SNX9: variants seen among roughly 807,000 people sequenced by gnomAD.
SNX9 encodes the protein sorting nexin-9.
A neutral mutation model predicts 89.4 loss-of-function variants in SNX9; 44 were observed. The ratio of observed to expected loss-of-function variants is 0.49; its 90% CI spans 0.39 to 0.63. SNX9 has a LOEUF of 0.63. SNX9 is among the 30% of genes least tolerant of loss of function. SNX9 has a pLI of 0.00. For missense variants in SNX9, 578 were observed against 736.1 expected (o/e 0.79, Z 2.49); for synonymous variants, 236 against 247.8 (o/e 0.95, Z 0.45).
chr6:157,830,645 A>G (rs1781462645), intron 1 of SNX9: 1 of 152,214 alleles, frequency 6.6e-6, no homozygotes, highest in African/African-American at 2.4e-5. Flanking sequence ...TCCATATGGT[A>G]ACTGCCTGCC....
intron 13 of SNX9, among the ~76,000 whole-genome samples, chr6:157,933,873 T>C (rs910967616): frequency 6.6e-6 from 1 of 152,252 alleles, no homozygotes; most frequent in Non-Finnish European, 1.5e-5. Flanking sequence ...CATAATTAAA[T>C]GTTCCATATT....
chr6:157,896,669 G>T (rs1416902396), intron 4 of SNX9, among the ~76,000 whole-genome samples, 158 bp from the exon 5 acceptor site: 1 of 152,152 alleles, frequency 6.6e-6, no homozygotes, highest in African/African-American at 2.4e-5. Context: ...CTACATGTTT[G>T]GAAATTAAAA....
In SNX9 at chr6:157,942,701, G is replaced by A. The variant is rs562780311; in HGVS notation, c.1741-90G>A. The A allele has an allele frequency of 4.4e-6, 6 of 1,366,540 alleles. No individual in the cohort carries two copies. The African/African-American group carries it at 8.6e-5, about 20-fold the overall frequency. 84.7% of individuals were successfully genotyped at this position (1,366,540 alleles called of 1,614,324 possible). On this transcript the variant is annotated intron_variant, in intron 17 of 17. Coordinates refer to ENST00000392185, the MANE Select transcript of SNX9 (RefSeq NM_016224.5). ...GTTAAAGAATTGGAATTTGTGTCAT[G>A]TTTAACTTGTTGGAGTTGTGAATAA...
Position 157,859,309 on chromosome 6 carries a change from T to A in SNX9, c.13-8238T>A, listed in dbSNP as rs118062421. Among the ~76,000 whole-genome samples, 694 of 152,378 alleles carry A rather than the reference T, an allele frequency of 4.6e-3. 1 individual carries two copies. The highest frequency in any genetic ancestry group is 7.7e-3 in the South Asian group (37 of 4,832). On this transcript the variant is annotated intron_variant, in intron 1 of 17. Coordinates refer to ENST00000392185, the MANE Select transcript of SNX9 (RefSeq NM_016224.5). Reference sequence around the variant, plus strand: ...ATTTAATGTTTCTTTATGGAAATACTGGCAAATATAAATATTCTGCTCATG... The same window carrying A: ...ATTTAATGTTTCTTTATGGAAATACAGGCAAATATAAATATTCTGCTCATG...
At chr6:157,863,791 G>A (rs1782195454) in intron 1 of SNX9, among the ~76,000 whole-genome samples, 1 of 152,168 alleles carries the variant, frequency 6.6e-6, no homozygotes, top group Non-Finnish European at 1.5e-5. Flanking sequence ...GAGGGGTGCT[G>A]GGAGATGACG....
chr6:157,850,312 TA>T (rs1310788259), intron 1 of SNX9, among the ~76,000 whole-genome samples: 2 of 152,166 alleles, frequency 1.3e-5, no homozygotes, highest in African/African-American at 2.4e-5. Context: ...GCAGATGAAG[TA>T]GACCCGGGGC....
chr6:157,856,905 T>C (rs1483662298), intron 1 of SNX9, among the ~76,000 whole-genome samples: 1 of 152,246 alleles, frequency 6.6e-6, no homozygotes, highest in East Asian at 1.9e-4. Flanking sequence ...TATGCTTAGA[T>C]GAATTAAATC....
chr6:157,913,146 C>G (rs1219902411), intron 9 of SNX9, among the ~76,000 whole-genome samples: 1 of 152,154 alleles, frequency 6.6e-6, no homozygotes, highest in Non-Finnish European at 1.5e-5. Flanking sequence ...TTCCAAGGCA[C>G]AAGGCTTTGT....
Position 157,935,977 on chromosome 6 carries a change from C to T in SNX9, c.1380C>T (p.Leu460=), listed in dbSNP as rs774754565. The part of the protein sequence containing the change: ...SSSGYQGETD[L]NDAITEAGKT... ...GATCATTTTCAGGTGAAACAGATCT[C>T]AATGATGCAATAACAGAAGCAGGAA... is the stretch of plus-strand genomic sequence containing the variant. Residue 460 remains leucine (L), a synonymous_variant, in exon 14 of 18, where the codon CTC becomes CTT. Coordinates refer to ENST00000392185, the MANE Select transcript of SNX9 (RefSeq NM_016224.5). The T allele has an allele frequency of 6.2e-7, 1 of 1,611,798 alleles. No homozygotes were observed. The highest frequency in any genetic ancestry group is 2.2e-5 in the East Asian group (1 of 44,764).
intron 4 of SNX9, among the ~76,000 whole-genome samples, chr6:157,877,202 T>C (rs1198143602): frequency 2.6e-5 from 4 of 152,146 alleles, no homozygotes; most frequent in Non-Finnish European, 4.4e-5. Context: ...GGTATTTACT[T>C]GTAGTTTAAT....
chr6:157,905,153 G>A (rs1783184513), intron 6 of SNX9, among the ~76,000 whole-genome samples: 1 of 152,106 alleles, frequency 6.6e-6, no homozygotes, highest in Non-Finnish European at 1.5e-5. Flanking sequence ...GGACACATCT[G>A]GTCTCTTGTG....
intron 1 of SNX9, among the ~76,000 whole-genome samples, chr6:157,837,586 A>T (rs564064500): frequency 6.6e-6 from 1 of 152,182 alleles, no homozygotes; most frequent in African/African-American, 2.4e-5. Context: ...CTGTTTGCCC[A>T]CTTAGAAGCT....
intron 6 of SNX9, among the ~76,000 whole-genome samples, chr6:157,904,658 C>A (rs973482976): frequency 1.3e-5 from 2 of 151,872 alleles, no homozygotes; most frequent in Non-Finnish European, 2.9e-5. Context: ...TACAGTGAGC[C>A]GAGATCGCGC....
In SNX9 at chr6:157,886,193, G is replaced by A. The variant is rs555388075; in HGVS notation, c.301-10634G>A. Among the ~76,000 whole-genome samples, 181 of 152,104 alleles carry A rather than the reference G, an allele frequency of 1.2e-3. 1 individual carries two copies. Among genetic ancestry groups the A allele is most frequent in the African/African-American group, 4.2e-3 (174 of 41,476 alleles). ...GTCTAACCATGTCATCCAAACAAGC[G>A]CTTGCCCTGCTTACTGCATTTTTTT... is the stretch of plus-strand genomic sequence containing the variant. On this transcript the variant is annotated intron_variant, in intron 4 of 17. Transcript: ENST00000392185.
rs1454602092 is a variant in SNX9, at chr6:157,826,914, A to AC, written c.12+3468_12+3469insC. 1.8e-3 allele frequency among the ~76,000 whole-genome samples: 123 copies of AC among 69,968 alleles called. 1 individual carries two copies. Among genetic ancestry groups the AC allele is most frequent in the Non-Finnish European group, 2.3e-3 (98 of 42,194 alleles). 45.9% of individuals were successfully genotyped at this position (69,968 alleles called of 152,430 possible). On this transcript the variant is annotated intron_variant, in intron 1 of 17. Coordinates refer to ENST00000392185, the MANE Select transcript of SNX9 (RefSeq NM_016224.5). ...ATATATTATAGTTTATATAATATAT[A>AC]AAATATATTATAGTTTATATAATAT...
In SNX9 at chr6:157,937,487, T is replaced by G; in HGVS notation, c.1497T>G (p.Phe499Leu). ...LMECNHEYKG[F>L]LGCFPDIIGT... ...AATGTAATCACGAGTATAAAGGTTT[T>G]CTTGGCTGCTTCCCTGACATCATTG... is the stretch of plus-strand genomic sequence containing the variant. Residue 499 changes from phenylalanine (F) to leucine (L), a missense_variant, in exon 15 of 18, where the codon TTT becomes TTG. Around this residue, in one of 2 missense-constraint regions of SNX9, gnomAD observed 348 missense variants for 491.4 expected, o/e 0.71. Transcript: ENST00000392185. 1 of 1,614,084 alleles carries G rather than the reference T, an allele frequency of 6.2e-7. No individual in the cohort carries two copies. The highest frequency in any genetic ancestry group is 1.7e-4 in the Middle Eastern group (1 of 6,060).
intron 1 of SNX9, among the ~76,000 whole-genome samples, chr6:157,839,098 C>T (rs1053492959): frequency 5.9e-5 from 9 of 152,086 alleles, no homozygotes; most frequent in South Asian, 2.1e-4. Context: ...TATATAGATT[C>T]GGTTAATAAA....
intron 4 of SNX9, among the ~76,000 whole-genome samples, chr6:157,892,381 C>T (rs746785678): frequency 4.6e-5 from 7 of 151,942 alleles, no homozygotes; most frequent in Non-Finnish European, 7.4e-5. Flanking sequence ...AGGGCCGTGA[C>T]GGAAGCTGCA....
At chr6:157,901,809 G>GGTA in intron 5 of SNX9, 89 bp from the exon 6 acceptor site, 5 of 1,483,604 alleles carry the variant, frequency 3.4e-6, no homozygotes, top group Non-Finnish European at 4.5e-6. Flanking sequence ...TTGCCCAGTA[G>GGTA]GTAGTTACTG....
Sources: gnomAD v4.1 joint callset for allele counts (sites outside exome capture counted in the v4.1 genomes callset) on GRCh38, gnomAD v4.1.1 for gene constraint, gnomAD v4.1.1 regional missense constraint, MANE v1.5 for transcripts, NCBI Gene and HGNC (gene_info 2026-07-23, HGNC 2026-07-21) for gene names.